DLGAP1: variants seen among roughly 807,000 people sequenced by gnomAD.
DLGAP1 encodes DLG associated protein 1.
DLGAP1 carries 11 observed loss-of-function variants against 90.8 expected under a neutral mutation model. That is an observed-to-expected ratio of 0.12 (90% CI 0.08 to 0.20). The LOEUF (loss-of-function observed/expected upper bound fraction) is 0.20, where lower values mean the gene tolerates loss of function less well. DLGAP1 is among the 10% of genes least tolerant of loss of function. DLGAP1 has a pLI of 1.00. For synonymous variants in DLGAP1, 558 were observed against 540.7 expected (o/e 1.03, Z -0.44); for missense variants, 1,050 against 1,333.8 (o/e 0.79, Z 3.31).
intron 1 of DLGAP1, among the ~76,000 whole-genome samples, chr18:4,353,481 G>A (rs1312214898): frequency 6.6e-6 from 1 of 152,142 alleles, no homozygotes; most frequent in Non-Finnish European, 1.5e-5. Flanking sequence ...CCGTGTGATT[G>A]GCAGTTTTAC....
At chr18:3,659,404 C>T (rs2059605968) in intron 7 of DLGAP1, among the ~76,000 whole-genome samples, 2 of 135,300 alleles carry the variant, frequency 1.5e-5, no homozygotes, top group African/African-American at 3.1e-5. Flanking sequence ...TACACACACA[C>T]ACACACACAC....
At chr18:4,248,465 ACTAACTGC>A (rs1032423779) in intron 1 of DLGAP1, 9 of 152,300 alleles carry the variant, frequency 5.9e-5, no homozygotes, top group African/African-American at 9.6e-5. Context: ...CTCTACTTTA[ACTAACTGC>A]CTAACTGCCT....
chr18:3,898,516 TACACTGTC>T (rs1459070591), intron 3 of DLGAP1, among the ~76,000 whole-genome samples: 2 of 152,184 alleles, frequency 1.3e-5, no homozygotes, highest in Non-Finnish European at 2.9e-5. Flanking sequence ...TAGGCACCAC[TACACTGTC>T]AATGACAAAT....
Position 3,856,754 on chromosome 18 carries a change from G to A in DLGAP1, c.957+22358C>T, listed in dbSNP as rs183102636. ...CAGGCAGCTGTAGTCCCAGCTACTC[G>A]GGAGGCTGAGGCAGGATAATGGCGT... On this transcript the variant is annotated intron_variant, in intron 4 of 12. Coordinates refer to ENST00000315677, the MANE Select transcript of DLGAP1 (RefSeq NM_004746.4). Among the ~76,000 whole-genome samples, 365 of 151,992 alleles carry A rather than the reference G, an allele frequency of 2.4e-3. 4 individuals carry two copies. Among genetic ancestry groups the A allele is most frequent in the African/African-American group, 7.9e-3 (328 of 41,464 alleles).
At chr18:4,021,965 C>T (rs2074617839) in intron 2 of DLGAP1, among the ~76,000 whole-genome samples, 1 of 152,110 alleles carries the variant, frequency 6.6e-6, no homozygotes. Flanking sequence ...TGAGTTCTGT[C>T]CTCAACTGCA....
At chr18:3,940,138 A>G (rs1385529187) in intron 3 of DLGAP1, among the ~76,000 whole-genome samples, 1 of 152,162 alleles carries the variant, frequency 6.6e-6, no homozygotes, top group Non-Finnish European at 1.5e-5. Flanking sequence ...TTGTAAGGAA[A>G]CTCAAGCAGC....
intron 1 of DLGAP1, among the ~76,000 whole-genome samples, chr18:4,249,703 T>C (rs1011309399): frequency 2.0e-5 from 3 of 152,134 alleles, no homozygotes; most frequent in African/African-American, 7.2e-5. Flanking sequence ...TCGTCTCACC[T>C]CAGCCTTCCC....
chr18:4,011,529 C>T lies in DLGAP1; in HGVS notation c.-158-6328G>A, dbSNP rs935308731. Among the ~76,000 whole-genome samples the T allele has an allele frequency of 4.6e-5, 7 of 151,686 alleles. No homozygotes were observed. In the East Asian group the frequency reaches 1.2e-3, roughly 25 times the overall value. ...CGGTGGAGAGGGTGCTGATAACAGT[C>T]CTCTGGGCTGGGCATGGTGGCTCAT... is the stretch of plus-strand genomic sequence containing the variant. On this transcript the variant is annotated intron_variant, in intron 2 of 12. Transcript: ENST00000315677.
intron 9 of DLGAP1, among the ~76,000 whole-genome samples, chr18:3,563,543 CA>C (rs1385050055): frequency 2.6e-5 from 4 of 151,884 alleles, no homozygotes; most frequent in Non-Finnish European, 5.9e-5. Flanking sequence ...GATCTCGGCT[CA>C]CCACAACCTC....
chr18:4,443,247 T>C (rs925627482), intron 1 of DLGAP1, among the ~76,000 whole-genome samples: 2 of 152,184 alleles, frequency 1.3e-5, no homozygotes, highest in African/African-American at 4.8e-5. Flanking sequence ...TAAAGGGAAG[T>C]TTACATAAAT....
intron 5 of DLGAP1, among the ~76,000 whole-genome samples, chr18:3,795,959 C>T (rs2065970914): frequency 6.6e-6 from 1 of 152,120 alleles, no homozygotes; most frequent in African/African-American, 2.4e-5. Context: ...AGCAGAGCCG[C>T]AGGATTGGGC....
chr18:4,169,235 A>G (rs569096912), intron 1 of DLGAP1, among the ~76,000 whole-genome samples: 130 of 152,294 alleles, frequency 8.5e-4, no homozygotes, highest in African/African-American at 3.0e-3. Context: ...TTATATGTAT[A>G]AACTAATGGG....
chr18:3,546,696 T>C (rs895798842), intron 9 of DLGAP1, among the ~76,000 whole-genome samples: 4 of 151,104 alleles, frequency 2.6e-5, no homozygotes, highest in Non-Finnish European at 5.9e-5. Flanking sequence ...TCAAACCGAA[T>C]GAAAAAGAAA....
chr18:3,934,382 C>T (rs1017912824), intron 3 of DLGAP1, among the ~76,000 whole-genome samples: 3 of 152,054 alleles, frequency 2.0e-5, no homozygotes, highest in Non-Finnish European at 4.4e-5. Flanking sequence ...AATCATCGAC[C>T]GATTCATTCC....
intron 1 of DLGAP1, among the ~76,000 whole-genome samples, chr18:4,247,754 G>A (rs564159314): frequency 1.3e-5 from 2 of 152,094 alleles, no homozygotes; most frequent in East Asian, 3.9e-4. Flanking sequence ...TCCAGCCCGG[G>A]TGACAGAGCA....
At chr18:4,439,720 G>A (rs1296459687) in intron 1 of DLGAP1, among the ~76,000 whole-genome samples, 3 of 151,954 alleles carry the variant, frequency 2.0e-5, no homozygotes, top group Non-Finnish European at 2.9e-5. Flanking sequence ...TGAGGCAGGA[G>A]GACTGCTTGA....
At chr18:4,344,125 A>T (rs922213887) in intron 1 of DLGAP1, among the ~76,000 whole-genome samples, 2 of 152,224 alleles carry the variant, frequency 1.3e-5, no homozygotes, top group Non-Finnish European at 2.9e-5. Context: ...CAGCAATCAT[A>T]CCAGAGGTAG....
chr18:3,634,704 C>T (rs1412489234), intron 7 of DLGAP1, among the ~76,000 whole-genome samples: 1 of 152,160 alleles, frequency 6.6e-6, no homozygotes, highest in Non-Finnish European at 1.5e-5. Context: ...TAGTCAACCA[C>T]ATGAGATGAG....
chr18:4,048,593 A>G lies in DLGAP1; in HGVS notation c.-158-43392T>C, dbSNP rs185675505. On this transcript the variant is annotated intron_variant, in intron 2 of 12. Coordinates refer to ENST00000315677, the MANE Select transcript of DLGAP1 (RefSeq NM_004746.4). ...TTTTTCTTTGACAAACAAATCCTACAATGTCGATAGACTGAGAGAATCTGA... is the reference window on the plus strand; with the variant it reads ...TTTTTCTTTGACAAACAAATCCTACGATGTCGATAGACTGAGAGAATCTGA... 5.8e-3 allele frequency among the ~76,000 whole-genome samples: 891 copies of G among 152,340 alleles called. 5 individuals are homozygous for G. Among genetic ancestry groups the G allele is most frequent in the Non-Finnish European group, 9.9e-3 (673 of 68,036 alleles).
Sources: gnomAD v4.1 joint callset for allele counts (sites outside exome capture counted in the v4.1 genomes callset) on GRCh38, gnomAD v4.1.1 for gene constraint, MANE v1.5 for transcripts, NCBI Gene and HGNC (gene_info 2026-07-23, HGNC 2026-07-21) for gene names.